Variants in FBXO22 observed in about 807,000 individuals in gnomAD.
The protein encoded by FBXO22 is F-box only protein 22.
A neutral mutation model predicts 37.2 loss-of-function variants in FBXO22; 13 were observed. That is an observed-to-expected ratio of 0.35 (90% CI 0.23 to 0.56). The LOEUF (loss-of-function observed/expected upper bound fraction) is 0.56. FBXO22 is among the 20% of genes least tolerant of loss of function. The pLI is 0.87. For synonymous variants in FBXO22, 189 were observed against 189.1 expected (o/e 1.00, Z 0.00); for missense variants, 446 against 509.9 (o/e 0.87, Z 1.21).
In FBXO22 at chr15:75,942,189, A is replaced by G. The variant is rs1457036979; in HGVS notation, c.*9087A>G. 1 of 151,978 alleles carries G rather than the reference A, an allele frequency of 6.6e-6. No homozygotes were observed. The highest frequency in any genetic ancestry group is 2.4e-5 in the African/African-American group (1 of 41,374). The allele number at this position is 151,978 out of a possible 1,614,324, so 9.4% of individuals were successfully genotyped here. A position where few individuals can be genotyped will look rare whatever the true frequency, so the allele number is the denominator to read the frequency against. On this transcript the variant is annotated 3_prime_UTR_variant, in exon 7 of 7. Coordinates refer to ENST00000308275, the MANE Select transcript of FBXO22 (RefSeq NM_147188.3). The stretch of plus-strand genomic sequence containing the variant: ...GGAGGGGTAAATACATGGAGTAGAG[A>G]TTTTTAGGGTGGTGAAACTACTGTA...
chr15:75,917,454 T>G (rs1900216321), intron 5 of FBXO22, 60 bp downstream of exon 5: 3 of 1,277,126 alleles, frequency 2.3e-6, no homozygotes, highest in Non-Finnish European at 3.2e-6. Context: ...GTTTTCTTTT[T>G]AATTCTGGCT....
rs1193594410 is a variant in FBXO22, at chr15:75,933,693, A to G, written c.*591A>G. ...ACAAGACTAATCAGTATTTTATTAT[A>G]AGTAAAAGATTTTTCTTCTTTCCTT... On this transcript the variant is annotated 3_prime_UTR_variant, in exon 7 of 7. Coordinates refer to ENST00000308275, the MANE Select transcript of FBXO22 (RefSeq NM_147188.3). 7.2e-6 allele frequency: 2 copies of G among 277,296 alleles called. No individual in the cohort carries two copies. The highest frequency in any genetic ancestry group is 2.3e-5 in the African/African-American group (1 of 42,960). 17.2% of individuals were successfully genotyped at this position (277,296 alleles called of 1,614,324 possible).
chr15:75,908,188 A>C (rs543419846), intron 2 of FBXO22, among the ~76,000 whole-genome samples: 1 of 152,078 alleles, frequency 6.6e-6, no homozygotes, highest in East Asian at 1.9e-4. Flanking sequence ...GGAGTAAGAA[A>C]CCTGAGGCCT....
intron 4 of FBXO22, among the ~76,000 whole-genome samples, chr15:75,916,472 G>A (rs920327518): frequency 1.3e-5 from 2 of 152,084 alleles, no homozygotes; most frequent in South Asian, 4.1e-4. Context: ...CCTCTTCTCA[G>A]GACACTAGTC....
chr15:75,933,060 TACA>T lies in FBXO22; in HGVS notation c.1175_1177del (p.Thr392del). On this transcript the variant is annotated inframe_deletion, in exon 7 of 7. Transcript: ENST00000308275. Reference sequence around the variant, plus strand: ...AAGATGATGATCTGTTTCATAGCTATACAACAATAATGGCACTCATACATCTGG... The same window carrying T: ...AAGATGATGATCTGTTTCATAGCTATACAATAATGGCACTCATACATCTGG... 6.2e-7 allele frequency: 1 copy of T among 1,614,004 alleles called. No individual in the cohort carries two copies. Among genetic ancestry groups the T allele is most frequent in the Non-Finnish European group, 8.5e-7 (1 of 1,179,934 alleles).
At chr15:75,921,437 T>G (rs1900320663) in intron 5 of FBXO22, among the ~76,000 whole-genome samples, 1 of 152,152 alleles carries the variant, frequency 6.6e-6, no homozygotes, top group South Asian at 2.1e-4. Context: ...CCGAGGTAGG[T>G]GGATCCCTTG....
At chr15:75,911,822 G>C (rs1285038111) in intron 2 of FBXO22, among the ~76,000 whole-genome samples, 2 of 150,306 alleles carry the variant, frequency 1.3e-5, no homozygotes, top group Non-Finnish European at 3.0e-5. Context: ...TGGTGAGAGA[G>C]GGCATCTTTG....
chr15:75,916,817 G>GGT (rs1008776335), intron 4 of FBXO22, among the ~76,000 whole-genome samples: 15 of 149,624 alleles, frequency 1.0e-4, no homozygotes, highest in African/African-American at 3.4e-4. Flanking sequence ...AAAATACTTG[G>GGT]GTATATATAT....
intron 2 of FBXO22, among the ~76,000 whole-genome samples, chr15:75,912,299 C>T (rs895331575): frequency 1.3e-5 from 2 of 151,930 alleles, no homozygotes; most frequent in Admixed American, 6.6e-5. Context: ...GAGTTAGGGA[C>T]GAGTCCCTCT....
At chr15:75,904,189 T>A in intron 1 of FBXO22, 86 bp downstream of exon 1, 13 of 1,445,824 alleles carry the variant, frequency 9.0e-6, no homozygotes, top group Non-Finnish European at 1.2e-5. Flanking sequence ...GGAGAGACCC[T>A]TGGGACCCAC....
rs933344453 is a variant in FBXO22, at chr15:75,938,051, C to T, written c.*4949C>T. On this transcript the variant is annotated 3_prime_UTR_variant, in exon 7 of 7. Coordinates refer to ENST00000308275, the MANE Select transcript of FBXO22 (RefSeq NM_147188.3). ...GAAAGTTCTAAGACCCAAGCTTTCA[C>T]CTTGGTCTGGTCCCTAAGCCCAAAA... 1.3e-5 allele frequency: 2 copies of T among 152,230 alleles called. No individual in the cohort carries two copies. The highest frequency in any genetic ancestry group is 2.9e-5 in the Non-Finnish European group (2 of 68,054). 9.4% of individuals were successfully genotyped at this position (152,230 alleles called of 1,614,324 possible).
chr15:75,904,826 C>CTTTT lies in FBXO22; in HGVS notation c.279+209_279+212dup, dbSNP rs3991408. 2.1e-4 allele frequency among the ~76,000 whole-genome samples: 28 copies of CTTTT among 136,088 alleles called. 2 individuals carry two copies. Among genetic ancestry groups the CTTTT allele is most frequent in the African/African-American group, 4.7e-4 (17 of 36,440 alleles). The allele number at this position is 136,088 out of a possible 152,430, so 89.3% of individuals were successfully genotyped here. On this transcript the variant is annotated intron_variant, in intron 2 of 6. Coordinates refer to ENST00000308275, the MANE Select transcript of FBXO22 (RefSeq NM_147188.3). ...TTTGACCGTTCATCAAATGTTGGGC[C>CTTTT]TTTTTTTTTTTTTTTGAGACGTAGT...
rs1242046650 is a variant in FBXO22, at chr15:75,939,782, A to C, written c.*6680A>C. 1 of 152,170 alleles carries C rather than the reference A, an allele frequency of 6.6e-6. No homozygotes were observed. Among genetic ancestry groups the C allele is most frequent in the East Asian group, 1.9e-4 (1 of 5,196 alleles). 9.4% of individuals were successfully genotyped at this position (152,170 alleles called of 1,614,324 possible). On this transcript the variant is annotated 3_prime_UTR_variant, in exon 7 of 7. Transcript: ENST00000308275. Reference sequence around the variant, plus strand: ...ATTAACAGAACGAAGCGAGAACCAGATGATCATCTCAATTGATGCAGACAA... The same window carrying C: ...ATTAACAGAACGAAGCGAGAACCAGCTGATCATCTCAATTGATGCAGACAA...
chr15:75,917,237 A>G lies in FBXO22; in HGVS notation c.471A>G (p.Pro157=). The change falls in exon 5 of 7, where the codon CCA becomes CCG. Residue 157 remains proline (P), a synonymous_variant. Transcript: ENST00000308275. The part of the protein sequence containing the change: ...GIVTPGIVVT[P]MGSGSNRPQE... Reference sequence around the variant, plus strand: ...GTTTAACTTTTTCTCTAGTGACTCCAATGGGATCAGGTAGCAATCGACCTC... The same window carrying G: ...GTTTAACTTTTTCTCTAGTGACTCCGATGGGATCAGGTAGCAATCGACCTC... 2 of 1,610,260 alleles carry G rather than the reference A, an allele frequency of 1.2e-6. No individual in the cohort carries two copies. Among genetic ancestry groups the G allele is most frequent in the Non-Finnish European group, 1.7e-6 (2 of 1,178,912 alleles).
intron 3 of FBXO22, 109 bp from the exon 4 acceptor site, chr15:75,914,001 C>T: frequency 1.4e-6 from 1 of 727,194 alleles, no homozygotes; most frequent in African/African-American, 1.8e-5. Flanking sequence ...TTAGAGCATT[C>T]TCGTGTTAAA....
rs554180262 is a variant in FBXO22, at chr15:75,939,925, T to C, written c.*6823T>C. The C allele has an allele frequency of 2.0e-5, 3 of 152,190 alleles. No homozygotes were observed. Among genetic ancestry groups the C allele is most frequent in the African/African-American group, 4.8e-5 (2 of 41,548 alleles). 9.4% of individuals were successfully genotyped at this position (152,190 alleles called of 1,614,324 possible). On this transcript the variant is annotated 3_prime_UTR_variant, in exon 7 of 7. Coordinates refer to ENST00000308275, the MANE Select transcript of FBXO22 (RefSeq NM_147188.3). ...CATGAAAAGCCCACGGTAGACACCA[T>C]ACTTAGTGGTGAAAGCTTTTCCTCT...
intron 5 of FBXO22, among the ~76,000 whole-genome samples, chr15:75,919,593 T>G (rs1381926887): frequency 2.0e-5 from 3 of 152,240 alleles, no homozygotes; most frequent in African/African-American, 7.2e-5. Flanking sequence ...TAACTAACAT[T>G]GAATTCACAG....
At chr15:75,925,664 G>A (rs1398212949) in intron 5 of FBXO22, among the ~76,000 whole-genome samples, 1 of 107,814 alleles carries the variant, frequency 9.3e-6, no homozygotes, top group Non-Finnish European at 1.9e-5. Flanking sequence ...GAAGTGACAG[G>A]AAGCTAGTGT....
Position 75,933,927 on chromosome 15 carries a change from A to G in FBXO22, c.*825A>G, listed in dbSNP as rs2030162675. ...AGAATAGTTGGTATGTCAGCTAGTCATTCCTGTCATATTCCCAGTAGAATG... is the reference window on the plus strand; with the variant it reads ...AGAATAGTTGGTATGTCAGCTAGTCGTTCCTGTCATATTCCCAGTAGAATG... On this transcript the variant is annotated 3_prime_UTR_variant, in exon 7 of 7. Transcript: ENST00000308275. 6.5e-6 allele frequency: 1 copy of G among 154,914 alleles called. No homozygotes were observed. Among genetic ancestry groups the G allele is most frequent in the Non-Finnish European group, 1.4e-5 (1 of 69,552 alleles). The allele number at this position is 154,914 out of a possible 1,614,324, so 9.6% of individuals were successfully genotyped here.
Sources: allele counts gnomAD v4.1 joint callset (sites outside exome capture counted in the v4.1 genomes callset), GRCh38; gene constraint gnomAD v4.1.1; transcripts MANE v1.5; gene names NCBI Gene and HGNC (gene_info 2026-07-23, HGNC 2026-07-21).